SCYL1: variants seen among roughly 807,000 people sequenced by gnomAD.
The protein encoded by SCYL1 is N-terminal kinase-like protein.
In SCYL1, 85 loss-of-function variants were observed where a neutral mutation model predicts 94.8. The observed-to-expected ratio is 0.90, with a 90% CI of 0.75 to 1.07. The LOEUF (loss-of-function observed/expected upper bound fraction) is 1.07, where lower values mean the gene tolerates loss of function less well. Among genes scored for constraint, SCYL1 ranks in the 50% least tolerant of loss-of-function variants. The pLI is 0.00. For synonymous variants in SCYL1, 459 were observed against 435.5 expected (o/e 1.05, Z -0.67); for missense variants, 968 against 1,083.3 (o/e 0.89, Z 1.49).
At chr11:65,537,561 C>T (rs918357600) in intron 14 of SCYL1, among the ~76,000 whole-genome samples, 2 of 152,114 alleles carry the variant, frequency 1.3e-5, no homozygotes, top group African/African-American at 4.8e-5. Context: ...CCCCATCTGG[C>T]TGACAGCAGC....
At position 65,529,595 on chromosome 11, in the gene SCYL1, C is replaced by T. The variant is rs547595757; in HGVS notation, c.850-1034C>T. On this transcript the variant is annotated intron_variant, in intron 6 of 17. Coordinates refer to ENST00000270176, the MANE Select transcript of SCYL1 (RefSeq NM_020680.4). ...TGAGCTGCTCAAGGGCCATCTAGGT[C>T]CTCTTTGTCCCAAGCCAGAGGTCGC... is the stretch of plus-strand genomic sequence containing the variant. Among the ~76,000 whole-genome samples, 443 of 152,330 alleles carry T rather than the reference C, an allele frequency of 2.9e-3. 2 individuals carry two copies. The highest frequency in any genetic ancestry group is 5.0e-3 in the Non-Finnish European group (341 of 68,040).
In SCYL1 at chr11:65,527,228, A is replaced by T. The variant is rs1458835224; in HGVS notation, c.849+111A>T. 4 of 1,244,596 alleles carry T rather than the reference A, an allele frequency of 3.2e-6. No homozygotes were observed. In the African/African-American group the frequency reaches 6.0e-5, roughly 19 times the overall value. The allele number at this position is 1,244,596 out of a possible 1,614,324, so 77.1% of individuals were successfully genotyped here. A position where few individuals can be genotyped will look rare whatever the true frequency, so the allele number is the denominator to read the frequency against. ...CTCAGGAGACAAGCATGGACTGTGG[A>T]GTTAGGCCAATCCGGGTTCAAACCC... On this transcript the variant is annotated intron_variant, in intron 6 of 17. Coordinates refer to ENST00000270176, the MANE Select transcript of SCYL1 (RefSeq NM_020680.4).
Position 65,537,011 on chromosome 11 carries a change from T to G in SCYL1, c.1842T>G (p.Pro614=). 3 of 964,116 alleles carry G rather than the reference T, an allele frequency of 3.1e-6. No homozygotes were observed. The highest frequency in any genetic ancestry group is 4.7e-6 in the Non-Finnish European group (3 of 642,042). 59.7% of individuals were successfully genotyped at this position (964,116 alleles called of 1,614,324 possible). ...PEGVPAPAPT[P]VPATPTTSGH... is the part of the protein sequence containing the mutation. ...GAGTTCCTGCCCCAGCCCCCACCCC[T>G]GTTCCTGCCACCCCTACAACCTCAG... The change falls in exon 14 of 18, where the codon CCT becomes CCG. Residue 614 remains proline (P), a synonymous_variant. Transcript: ENST00000270176.
At position 65,535,353 on chromosome 11, in the gene SCYL1, G is replaced by A. The variant is rs1263253228; in HGVS notation, c.1357G>A (p.Gly453Ser). 1 of 1,614,232 alleles carries A rather than the reference G, an allele frequency of 6.2e-7. No individual in the cohort carries two copies. Among genetic ancestry groups the A allele is most frequent in the Admixed American group, 1.7e-5 (1 of 60,030 alleles). The change falls in exon 10 of 18, where the codon GGC (glycine) becomes AGC (serine). Residue 453 changes from glycine to serine, a missense_variant. Gly to Ser is a moderately conservative substitution (Grantham distance 56, BLOSUM62 0). This residue lies in a region of SCYL1 where 494 missense variants were observed against 619.7 expected (regional missense o/e 0.80). Coordinates refer to ENST00000270176, the MANE Select transcript of SCYL1 (RefSeq NM_020680.4). Reference protein sequence around the residue: ...PIRCNTTVCLGKIGSYLSAST... With the variant: ...PIRCNTTVCLSKIGSYLSAST... ...CCGCTGCAACACCACAGTCTGCCTG[G>A]GCAAAATCGGCTCCTACCTCAGTGC... is the stretch of plus-strand genomic sequence containing the variant.
chr11:65,537,295 A>G (rs1329677065), intron 14 of SCYL1, among the ~76,000 whole-genome samples, 167 bp downstream of exon 14: 3 of 152,194 alleles, frequency 2.0e-5, no homozygotes, highest in African/African-American at 7.2e-5. Flanking sequence ...AGCCAGCAGC[A>G]GGCCCCATTC....
intron 1 of SCYL1, 40 bp from the exon 2 acceptor site, chr11:65,525,534 C>T: frequency 6.3e-7 from 1 of 1,596,864 alleles, no homozygotes; most frequent in Non-Finnish European, 8.5e-7. Context: ...GGCCACACAA[C>T]AGCTCTGGGA....
chr11:65,532,211 G>A (rs1346709869), intron 8 of SCYL1, among the ~76,000 whole-genome samples: 1 of 152,140 alleles, frequency 6.6e-6, no homozygotes, highest in African/African-American at 2.4e-5. Flanking sequence ...GATCACCTGA[G>A]GTCAGGAGTT....
In SCYL1 at chr11:65,538,680, G is replaced by A. The variant is rs899680999; in HGVS notation, c.*114G>A. On this transcript the variant is annotated 3_prime_UTR_variant, in exon 18 of 18. Transcript: ENST00000270176. ...AGGCCATCTCACGTGTACATAATCA[G>A]AGCCACAATAAATTCTATTTCACAC... 1.6e-6 allele frequency: 2 copies of A among 1,286,448 alleles called. No homozygotes were observed. Among genetic ancestry groups the A allele is most frequent in the African/African-American group, 1.5e-5 (1 of 67,188 alleles). 79.7% of individuals were successfully genotyped at this position (1,286,448 alleles called of 1,614,324 possible). A position where few individuals can be genotyped will look rare whatever the true frequency, so the allele number is the denominator to read the frequency against.
chr11:65,533,849 G>A (rs1344451792), intron 9 of SCYL1, among the ~76,000 whole-genome samples: 2 of 152,104 alleles, frequency 1.3e-5, no homozygotes, highest in African/African-American at 2.4e-5. Context: ...TTGGGAGGCC[G>A]AGGCGGGTGG....
intron 13 of SCYL1, 57 bp from the exon 14 acceptor site, chr11:65,536,929 C>T (rs990988581): frequency 1.8e-5 from 26 of 1,424,674 alleles, no homozygotes; most frequent in Non-Finnish European, 2.5e-5. Context: ...CTTCCCCTAG[C>T]AGCCTCTGCC....
chr11:65,530,650 C>G lies in SCYL1; in HGVS notation c.871C>G (p.Gln291Glu), dbSNP rs1445849047. Residue 291 changes from glutamine (Q) to glutamate (E), a missense_variant, in exon 7 of 18, where the codon CAA (glutamine) becomes GAA (glutamate). Coordinates refer to ENST00000270176, the MANE Select transcript of SCYL1 (RefSeq NM_020680.4). ...CCAGATCAAAGAGCCAGCCGAGAAG[C>G]AAAAATTCTTCCAGGAGCTGAGCAA... is the stretch of plus-strand genomic sequence containing the variant. ...EIQIKEPAEK[Q>E]KFFQELSKSL... The G allele has an allele frequency of 6.2e-7, 1 of 1,613,614 alleles. No homozygotes were observed. The highest frequency in any genetic ancestry group is 1.1e-5 in the South Asian group (1 of 91,036).
intron 6 of SCYL1, among the ~76,000 whole-genome samples, chr11:65,528,384 G>A (rs1010519764): frequency 1.3e-5 from 2 of 152,174 alleles, no homozygotes; most frequent in Non-Finnish European, 2.9e-5. Context: ...GGAGGTTGCA[G>A]TGAGCCAAGA....
chr11:65,533,937 A>G (rs1220831790), intron 9 of SCYL1, among the ~76,000 whole-genome samples: 1 of 152,190 alleles, frequency 6.6e-6, no homozygotes, highest in East Asian at 1.9e-4. Context: ...TCTACTAAAA[A>G]TACAAAAAAT....
At chr11:65,534,938 T>TG (rs1484840399) in intron 9 of SCYL1, among the ~76,000 whole-genome samples, 2 of 152,070 alleles carry the variant, frequency 1.3e-5, no homozygotes, top group African/African-American at 4.8e-5. Flanking sequence ...TGAGCCAGTT[T>TG]GGCAGAGTGT....
At chr11:65,529,969 G>A (rs919103372) in intron 6 of SCYL1, among the ~76,000 whole-genome samples, 1 of 152,152 alleles carries the variant, frequency 6.6e-6, no homozygotes, top group South Asian at 2.1e-4. Context: ...TCTGTGTAAA[G>A]GTTTTAGCAC....
At position 65,532,672 on chromosome 11, in the gene SCYL1, C is replaced by T; in HGVS notation, c.1117-20C>T. 4 of 1,584,026 alleles carry T rather than the reference C, an allele frequency of 2.5e-6. No individual in the cohort carries two copies. Among genetic ancestry groups the T allele is most frequent in the Non-Finnish European group, 3.5e-6 (4 of 1,152,882 alleles). The stretch of plus-strand genomic sequence containing the variant: ...GTGGGAAGGGCTGACCATGTTGACG[C>T]ATCCCAACCTGGGCCACAGATGGAG... On this transcript the variant is annotated intron_variant, in intron 8 of 17. Coordinates refer to ENST00000270176, the MANE Select transcript of SCYL1 (RefSeq NM_020680.4).
intron 8 of SCYL1, among the ~76,000 whole-genome samples, chr11:65,531,970 AC>A (rs1855393873): frequency 6.6e-6 from 1 of 152,072 alleles, no homozygotes. Flanking sequence ...TTCTCCTGCA[AC>A]CCCAGGGCAG....
At position 65,536,277 on chromosome 11, in the gene SCYL1, A is replaced by C. The variant is rs1311613729; in HGVS notation, c.1594A>C (p.Ser532Arg). The change falls in exon 12 of 18, where the codon AGC (serine) becomes CGC (arginine). Residue 532 changes from serine (S) to arginine (R), a missense_variant. Around this residue, in one of 2 missense-constraint regions of SCYL1, gnomAD observed 474 missense variants for 463.6 expected, o/e 1.02. Transcript: ENST00000270176. ...VRDQAFKAIR[S>R]FLSKLESVSE... ...CCCACAGGCCTTCAAGGCCATTCGG[A>C]GCTTCCTGTCCAAATTGGAGTCTGT... The C allele has an allele frequency of 1.9e-6, 3 of 1,614,026 alleles. No homozygotes were observed. The highest frequency in any genetic ancestry group is 2.2e-5 in the South Asian group (2 of 91,084).
At chr11:65,531,513 G>A (rs1855361381) in intron 7 of SCYL1, 63 bp from the exon 8 acceptor site, 2 of 1,280,804 alleles carry the variant, frequency 1.6e-6, no homozygotes, top group Non-Finnish European at 2.3e-6. Context: ...CAGGAATTTA[G>A]ATAAGCCCAG....
Sources: gnomAD v4.1 joint callset for allele counts (sites outside exome capture counted in the v4.1 genomes callset) on GRCh38, gnomAD v4.1.1 for gene constraint, gnomAD v4.1.1 regional missense constraint, MANE v1.5 for transcripts, NCBI Gene and HGNC (gene_info 2026-07-23, HGNC 2026-07-21) for gene names.